The following KDM3A variants were observed in gnomAD, a reference collection of about 807,000 sequenced individuals.
The protein encoded by KDM3A is lysine-specific demethylase 3A.
Under a neutral mutation model 158.0 loss-of-function variants are expected in KDM3A, and 60 were observed. The observed-to-expected ratio is 0.38, with a 90% CI of 0.31 to 0.47. The LOEUF (loss-of-function observed/expected upper bound fraction) is 0.47, where lower values mean the gene tolerates loss of function less well. Ranked by LOEUF, KDM3A falls within the 20% of genes least tolerant of loss-of-function variation. KDM3A has a pLI of 0.99. For missense variants in KDM3A, 1,319 were observed against 1,574.3 expected (o/e 0.84, Z 2.74); for synonymous variants, 608 against 549.3 (o/e 1.11, Z -1.49).
chr2:86,456,919 C>T (rs563979187), intron 7 of KDM3A, 42 bp downstream of exon 7: 3 of 1,570,004 alleles, frequency 1.9e-6, no homozygotes, highest in African/African-American at 2.7e-5. Flanking sequence ...TTCCTCCTTT[C>T]CTCCGTTCTT....
At chr2:86,480,096 G>T in intron 15 of KDM3A, 71 bp from the exon 16 acceptor site, 1 of 1,208,078 alleles carries the variant, frequency 8.3e-7, no homozygotes, top group East Asian at 2.3e-5. Context: ...TCGGCTATTA[G>T]GAGAGAAGAA....
intron 11 of KDM3A, among the ~76,000 whole-genome samples, chr2:86,473,573 T>G (rs1357700285): frequency 2.0e-5 from 3 of 152,040 alleles, no homozygotes; most frequent in Non-Finnish European, 4.4e-5. Flanking sequence ...GGCAAAACCC[T>G]GTCTCTACAA....
chr2:86,482,544 T>G lies in KDM3A; in HGVS notation c.2772T>G (p.Ser924=). The G allele has an allele frequency of 6.2e-7, 1 of 1,614,206 alleles. No homozygotes were observed. The highest frequency in any genetic ancestry group is 8.5e-7 in the Non-Finnish European group (1 of 1,180,034). Residue 924 remains serine, a synonymous_variant, in exon 18 of 26, where the codon TCT becomes TCG. Transcript: ENST00000312912. ...LVQNKTTSDL[S]KRPQGLTIKP... ...AAAATAAGACGACTTCTGATTTATCTAAGAGGCCTCAAGGACTAACCATCA... is the reference window on the plus strand; with the variant it reads ...AAAATAAGACGACTTCTGATTTATCGAAGAGGCCTCAAGGACTAACCATCA...
intron 12 of KDM3A, among the ~76,000 whole-genome samples, chr2:86,476,136 A>G (rs770083247): frequency 1.3e-5 from 2 of 152,348 alleles, no homozygotes; most frequent in African/African-American, 2.4e-5. Context: ...TCCATTTTCA[A>G]TAGAGATACA....
At chr2:86,487,735 T>C (rs1674251624) in intron 21 of KDM3A, 1 of 152,308 alleles carries the variant, frequency 6.6e-6, no homozygotes, top group Non-Finnish European at 1.5e-5. Flanking sequence ...CAGGATGTTT[T>C]GTTGTCTAGC....
chr2:86,473,199 C>A (rs1320023459), intron 11 of KDM3A, among the ~76,000 whole-genome samples: 8 of 152,176 alleles, frequency 5.3e-5, no homozygotes, highest in Non-Finnish European at 1.0e-4. Flanking sequence ...TGCTCTGCTG[C>A]CCAGGCTGGA....
chr2:86,444,654 G>A (rs1682881801), intron 2 of KDM3A, among the ~76,000 whole-genome samples: 1 of 145,518 alleles, frequency 6.9e-6, no homozygotes. Flanking sequence ...TTTTTGGGGG[G>A]TGAGATGGGG....
intron 12 of KDM3A, among the ~76,000 whole-genome samples, chr2:86,477,257 G>A (rs1673700852): frequency 6.6e-6 from 1 of 152,316 alleles, no homozygotes; most frequent in Middle Eastern, 3.4e-3. Context: ...TCCTGGCACT[G>A]GCTAAATCGA....
chr2:86,458,178 C>T (rs777981765), intron 8 of KDM3A, among the ~76,000 whole-genome samples: 1 of 152,178 alleles, frequency 6.6e-6, no homozygotes, highest in Non-Finnish European at 1.5e-5. Context: ...GACTGGACTA[C>T]AGCATCGACT....
chr2:86,490,729 C>G (rs1394444843), intron 23 of KDM3A, 152 bp from the exon 24 acceptor site: 4 of 572,478 alleles, frequency 7.0e-6, no homozygotes, highest in Non-Finnish European at 1.2e-5. Context: ...CAGCTGAAGT[C>G]TTTGATACTA....
intron 11 of KDM3A, among the ~76,000 whole-genome samples, 170 bp from the exon 12 acceptor site, chr2:86,474,606 G>T (rs1485480359): frequency 6.6e-6 from 1 of 151,344 alleles, no homozygotes; most frequent in Non-Finnish European, 1.5e-5. Context: ...AGAGGTTGCA[G>T]TGAGCCGAGA....
rs72844690 is a variant in KDM3A at position 86,450,839 on chromosome 2, G to T, written c.343-264G>T. 2.0e-5 allele frequency among the ~76,000 whole-genome samples: 3 copies of T among 152,130 alleles called. No individual in the cohort carries two copies. The East Asian group carries it at 5.8e-4, about 29-fold the overall frequency. ...AGAAGTGTGCATACAAACAGTTTTT[G>T]CATAAATTTTTGGGACACCATGAAT... On this transcript the variant is annotated intron_variant, in intron 3 of 25. Transcript: ENST00000312912.
At chr2:86,478,364 A>AGT (rs1673763086) in intron 14 of KDM3A, 99 bp downstream of exon 14, 3 of 944,556 alleles carry the variant, frequency 3.2e-6, no homozygotes, top group Middle Eastern at 2.3e-4. Flanking sequence ...AGTTTATTTT[A>AGT]GTGTGTATTG....
At chr2:86,482,825 G>A in intron 18 of KDM3A, 131 bp downstream of exon 18, 1 of 850,876 alleles carries the variant, frequency 1.2e-6, no homozygotes, top group South Asian at 1.6e-5. Flanking sequence ...TGTTTCAGGT[G>A]AATATAATCA....
chr2:86,461,023 AG>A (rs1672903777), intron 8 of KDM3A, among the ~76,000 whole-genome samples: 2 of 152,250 alleles, frequency 1.3e-5, no homozygotes. Context: ...GACAGAATTG[AG>A]AAAATTTTCG....
intron 4 of KDM3A, 93 bp downstream of exon 4, chr2:86,451,306 G>A: frequency 4.1e-6 from 3 of 739,632 alleles, no homozygotes; most frequent in Non-Finnish European, 4.3e-6. Flanking sequence ...AAATAGTGTG[G>A]GTATTATGGA....
At chr2:86,463,970 C>T in intron 8 of KDM3A, 83 bp from the exon 9 acceptor site, 1 of 1,025,950 alleles carries the variant, frequency 9.7e-7, no homozygotes, top group South Asian at 2.1e-5. Context: ...TAGTATTAAG[C>T]AAATGATCTT....
chr2:86,482,773 C>G, intron 18 of KDM3A, 79 bp downstream of exon 18: 5 of 1,286,530 alleles, frequency 3.9e-6, no homozygotes, highest in Non-Finnish European at 5.5e-6. Context: ...ACAACCCCAC[C>G]CCAGGCTTTC....
intron 18 of KDM3A, chr2:86,483,754 C>A: frequency 2.8e-6 from 1 of 361,030 alleles, no homozygotes; most frequent in South Asian, 5.1e-5. Context: ...GTGATCCTTT[C>A]TCCTAGATGC....
Sources: gnomAD v4.1 joint callset for allele counts (sites outside exome capture counted in the v4.1 genomes callset) on GRCh38, gnomAD v4.1.1 for gene constraint, MANE v1.5 for transcripts, NCBI Gene and HGNC (gene_info 2026-07-23, HGNC 2026-07-21) for gene names.